The following ARHGAP35 variants were observed in gnomAD, a reference collection of about 807,000 sequenced individuals.
ARHGAP35 encodes Rho GTPase activating protein 35.
Under a neutral mutation model 111.1 loss-of-function variants are expected in ARHGAP35, and 15 were observed. The ratio of observed to expected loss-of-function variants is 0.13; its 90% CI spans 0.09 to 0.21. The LOEUF (loss-of-function observed/expected upper bound fraction) is 0.21. ARHGAP35 is among the 10% of genes least tolerant of loss of function. ARHGAP35 has a pLI of 1.00. For synonymous variants in ARHGAP35, 643 were observed against 710.3 expected (o/e 0.91, Z 1.51); for missense variants, 1,262 against 1,873.0 (o/e 0.67, Z 6.02).
intron 3 of ARHGAP35, among the ~76,000 whole-genome samples, chr19:46,951,730 G>A (rs527280700): frequency 2.6e-5 from 4 of 152,150 alleles, no homozygotes; most frequent in Non-Finnish European, 5.9e-5. Context: ...ACTCTAGGCA[G>A]GCCCCTGTGC....
intron 1 of ARHGAP35, among the ~76,000 whole-genome samples, chr19:46,902,787 A>G (rs2056088469): frequency 6.6e-6 from 1 of 152,202 alleles, no homozygotes; most frequent in African/African-American, 2.4e-5. Flanking sequence ...TTTACATTCA[A>G]GGAACAACAA....
In ARHGAP35 at chr19:46,875,009, A is replaced by G. The variant is rs968710995; in HGVS notation, c.-189+13800A>G. 2.0e-5 allele frequency among the ~76,000 whole-genome samples: 3 copies of G among 151,036 alleles called. 1 individual carries two copies. The highest frequency in any genetic ancestry group is 7.3e-5 in the African/African-American group (3 of 40,956). On this transcript the variant is annotated intron_variant, in intron 1 of 6. Transcript: ENST00000672722. Reference sequence around the variant, plus strand: ...GTATTTTTAGTAGAGACGGGGTTTCACCATGTTGGTCAGGCTGGTCTCGAA... The same window carrying G: ...GTATTTTTAGTAGAGACGGGGTTTCGCCATGTTGGTCAGGCTGGTCTCGAA...
chr19:46,960,793 G>A (rs1174825324), intron 3 of ARHGAP35, among the ~76,000 whole-genome samples: 1 of 151,824 alleles, frequency 6.6e-6, no homozygotes, highest in African/African-American at 2.4e-5. Context: ...GCTGTTCTAT[G>A]CTTTGCTTTT....
intron 3 of ARHGAP35, chr19:46,948,081 A>G (rs539210179): frequency 6.6e-6 from 1 of 152,264 alleles, no homozygotes; most frequent in East Asian, 1.9e-4. Flanking sequence ...CCCCCAGGGT[A>G]TAGGGTGGGA....
At chr19:46,883,765 C>T (rs1260232932) in intron 1 of ARHGAP35, among the ~76,000 whole-genome samples, 4 of 151,994 alleles carry the variant, frequency 2.6e-5, no homozygotes, top group Non-Finnish European at 5.9e-5. Flanking sequence ...GGCAATAAAA[C>T]GTATGCTGGT....
chr19:46,962,054 G>A (rs1011985452), intron 3 of ARHGAP35, among the ~76,000 whole-genome samples: 6 of 152,154 alleles, frequency 3.9e-5, no homozygotes, highest in African/African-American at 1.4e-4. Context: ...GGCTGGTAGA[G>A]GGCACAAAAG....
Position 46,993,159 on chromosome 19 carries a change from C to G in ARHGAP35, c.4036+3484C>G, listed in dbSNP as rs1175331494. Among the ~76,000 whole-genome samples, 1 of 152,236 alleles carries G rather than the reference C, an allele frequency of 6.6e-6. No individual in the cohort carries two copies. The highest frequency in any genetic ancestry group is 1.5e-5 in the Non-Finnish European group (1 of 68,040). ...CAAAGCCGTGTCTCCAGGGGAAGGA[C>G]AGCTTGGATTCTCCATCCTGAGCCC... On this transcript the variant is annotated intron_variant, in intron 5 of 6. Coordinates refer to ENST00000672722, the MANE Select transcript of ARHGAP35 (RefSeq NM_004491.5). The surrounding 1 kb of genome is among the most constrained non-coding windows in gnomAD (Gnocchi z 4.6).
rs1240014539 is a variant in ARHGAP35 at position 47,000,582 on chromosome 19, C to T, written c.4394C>T (p.Thr1465Met). 4.3e-6 allele frequency: 7 copies of T among 1,613,430 alleles called. No individual in the cohort carries two copies. Among genetic ancestry groups the T allele is most frequent in the African/African-American group, 1.3e-5 (1 of 74,828 alleles). Reference protein sequence around the residue: ...VASTVPFLTSTPVTSQPSPPQ... With the variant: ...VASTVPFLTSMPVTSQPSPPQ... Reference sequence around the variant, plus strand: ...TCCACCGTCCCCTTCCTCACTTCCACGCCTGTCACAAGTCAGCCGTCGCCC... The same window carrying T: ...TCCACCGTCCCCTTCCTCACTTCCATGCCTGTCACAAGTCAGCCGTCGCCC... The change falls in exon 7 of 7, where the codon ACG (threonine) becomes ATG (methionine). Residue 1465 changes from threonine (T) to methionine (M), a missense_variant. Coordinates refer to ENST00000672722, the MANE Select transcript of ARHGAP35 (RefSeq NM_004491.5). This position sits in a 1 kb window ranked among gnomAD's most constrained non-coding sequence, Gnocchi z 6.9.
At chr19:46,905,394 T>C (rs2056101644) in intron 1 of ARHGAP35, among the ~76,000 whole-genome samples, 1 of 129,320 alleles carries the variant, frequency 7.7e-6, no homozygotes, top group African/African-American at 2.9e-5. Context: ...TTTTTTTTAA[T>C]AGATGGAGTC....
chr19:46,936,149 GGAA>G (rs140378378), intron 2 of ARHGAP35, among the ~76,000 whole-genome samples: 1 of 152,298 alleles, frequency 6.6e-6, no homozygotes, highest in African/African-American at 2.4e-5. Context: ...TGCTGAGGTA[GGAA>G]GATCACTTGA....
At chr19:46,891,168 T>C (rs1324585113) in intron 1 of ARHGAP35, among the ~76,000 whole-genome samples, 2 of 152,148 alleles carry the variant, frequency 1.3e-5, no homozygotes, top group Non-Finnish European at 2.9e-5. Context: ...GGGATATAAC[T>C]ATCACCCGCC....
intron 5 of ARHGAP35, among the ~76,000 whole-genome samples, chr19:46,995,904 G>A (rs2056704754): frequency 6.6e-6 from 1 of 152,218 alleles, no homozygotes; most frequent in Admixed American, 6.5e-5. Context: ...GTGTGGGCCA[G>A]ACTTGAGCAG....
At position 46,928,940 on chromosome 19, in the gene ARHGAP35, AG is replaced by A. The variant is rs543794353; in HGVS notation, c.3681+6585del. 1.6e-3 allele frequency among the ~76,000 whole-genome samples: 249 copies of A among 152,004 alleles called. 1 individual carries two copies. Among genetic ancestry groups the A allele is most frequent in the African/African-American group, 5.8e-3 (240 of 41,438 alleles). On this transcript the variant is annotated intron_variant, in intron 2 of 6. Transcript: ENST00000672722. ...GAGGGAGACGGTCTCAAAAAAAAAA[AG>A]CTATGGTCTGGATTTAGTTAGGTCC...
intron 1 of ARHGAP35, among the ~76,000 whole-genome samples, chr19:46,877,081 C>T (rs2055927789): frequency 6.7e-6 from 1 of 150,254 alleles, no homozygotes; most frequent in South Asian, 2.1e-4. Context: ...GAAACCCCAT[C>T]TCTACTAAAA....
At position 46,980,458 on chromosome 19, in the gene ARHGAP35, G is replaced by A. The variant is rs538884645; in HGVS notation, c.3827-7531G>A. 1.7e-4 allele frequency among the ~76,000 whole-genome samples: 26 copies of A among 152,272 alleles called. No homozygotes were observed. In the South Asian group the frequency reaches 5.2e-3, roughly 30 times the overall value. On this transcript the variant is annotated intron_variant, in intron 3 of 6. Coordinates refer to ENST00000672722, the MANE Select transcript of ARHGAP35 (RefSeq NM_004491.5). ...GATGTCATTACCCCATTTTGGATGAGGATTCCAAGCCCCTGAGAGGAGAGG... is the reference window on the plus strand; with the variant it reads ...GATGTCATTACCCCATTTTGGATGAAGATTCCAAGCCCCTGAGAGGAGAGG...
chr19:47,000,859 G>T lies in ARHGAP35; in HGVS notation c.*171G>T, dbSNP rs1224309688. 3.1e-5 allele frequency: 48 copies of T among 1,536,484 alleles called. No individual in the cohort carries two copies. Among genetic ancestry groups the T allele is most frequent in the Non-Finnish European group, 4.2e-5 (48 of 1,146,618 alleles). ...AGCCAATGGTACCATCGGCTGGGCT[G>T]CCAGGTACCCTGGGCCTGGCGCTGC... On this transcript the variant is annotated 3_prime_UTR_variant, in exon 7 of 7. Coordinates refer to ENST00000672722, the MANE Select transcript of ARHGAP35 (RefSeq NM_004491.5). This position sits in a 1 kb window ranked among gnomAD's most constrained non-coding sequence, Gnocchi z 6.9.
At chr19:46,897,308 T>G (rs1395255620) in intron 1 of ARHGAP35, among the ~76,000 whole-genome samples, 1 of 152,074 alleles carries the variant, frequency 6.6e-6, no homozygotes, top group African/African-American at 2.4e-5. Flanking sequence ...CTTATTGGGG[T>G]GCACTTATTT....
chr19:46,869,798 C>G (rs1177681255), intron 1 of ARHGAP35, among the ~76,000 whole-genome samples: 1 of 152,084 alleles, frequency 6.6e-6, no homozygotes, highest in Admixed American at 6.6e-5. Flanking sequence ...GGAATTATTT[C>G]ACTGGGAATA....
intron 3 of ARHGAP35, among the ~76,000 whole-genome samples, chr19:46,968,798 ATTAG>A (rs2056529006): frequency 6.6e-6 from 1 of 152,276 alleles, no homozygotes; most frequent in East Asian, 1.9e-4. Flanking sequence ...TAGAAAGTAG[ATTAG>A]TGGGCCGGGT....
Sources: allele counts gnomAD v4.1 joint callset (sites outside exome capture counted in the v4.1 genomes callset), GRCh38; gene constraint gnomAD v4.1.1; non-coding constraint Gnocchi (gnomAD v3.1); transcripts MANE v1.5; gene names NCBI Gene and HGNC (gene_info 2026-07-23, HGNC 2026-07-21).